The following ZFAT variants were observed in gnomAD, a reference collection of about 807,000 sequenced individuals.
The protein encoded by ZFAT is zinc finger and AT-hook domain containing, also known as zinc finger protein ZFAT.
In ZFAT, 64 loss-of-function variants were observed where a neutral mutation model predicts 117.7. The ratio of observed to expected loss-of-function variants is 0.54; its 90% confidence interval spans 0.44 to 0.67. ZFAT has a LOEUF of 0.67. Ranked by LOEUF, ZFAT falls within the 30% of genes least tolerant of loss-of-function variation. The pLI, the probability that ZFAT is intolerant of heterozygous loss-of-function variation, is 0.00. For synonymous variants in ZFAT, 679 were observed against 615.0 expected, an observed-to-expected ratio of 1.10 and a Z score of -1.54; for missense variants, 1,433 against 1,584.5, an observed-to-expected ratio of 0.90 and a Z score of 1.62.
At chr8:134,736,192 A>G in the ZFAT span, among the ~76,000 whole-genome samples, 2 of 150,854 alleles carry the variant, frequency 1.3e-5, no homozygotes, top group Admixed American at 1.3e-4. Flanking sequence ...GTACATATGT[A>G]GGGAATGAAG....
intron 2 of ZFAT, among the ~76,000 whole-genome samples, chr8:134,638,591 T>C (rs1268761847): frequency 6.9e-6 from 1 of 144,550 alleles, no homozygotes; most frequent in Non-Finnish European, 1.5e-5. Context: ...TAACCAGGCG[T>C]GGTGGCGGGC....
the ZFAT span, among the ~76,000 whole-genome samples, chr8:134,760,943 A>C: frequency 6.6e-6 from 1 of 152,342 alleles, no homozygotes; most frequent in South Asian, 2.1e-4. Context: ...CTGGGAATTG[A>C]GCTTGGTCTT....
At chr8:134,662,812 G>A (rs78445952) in intron 1 of ZFAT, among the ~76,000 whole-genome samples, 1 of 152,246 alleles carries the variant, frequency 6.6e-6, no homozygotes, top group Non-Finnish European at 1.5e-5. Flanking sequence ...AAAGGCCAGA[G>A]GGGAGGCAGC....
chr8:134,599,507 C>A, intron 7 of ZFAT: 1 of 292,176 alleles, frequency 3.4e-6, no homozygotes, highest in Non-Finnish European at 6.6e-6. Flanking sequence ...TGCCCAAGGC[C>A]ACAGGGCCTG....
chr8:134,635,552 G>A (rs985105277), intron 3 of ZFAT, among the ~76,000 whole-genome samples: 18 of 152,146 alleles, frequency 1.2e-4, no homozygotes, highest in African/African-American at 4.3e-4. Context: ...AAAATGCAAC[G>A]TCGTTACCTA....
chr8:134,532,997 AG>A, intron 11 of ZFAT, 25 bp from the exon 12 acceptor site: 1 of 1,582,074 alleles, frequency 6.3e-7, no homozygotes, highest in Non-Finnish European at 8.6e-7. Flanking sequence ...AGGAGGGGTT[AG>A]GAAAGGTGAG....
chr8:134,550,310 GAAA>G (rs10680896), intron 11 of ZFAT, among the ~76,000 whole-genome samples: 59 of 72,528 alleles, frequency 8.1e-4, no homozygotes, highest in African/African-American at 2.9e-3. Flanking sequence ...GGTCACAACG[GAAA>G]AAAAAAAAAA....
At chr8:134,798,551 T>C in the ZFAT span, among the ~76,000 whole-genome samples, 10,584 of 152,158 alleles carry the variant, frequency 0.07, 484 homozygotes, top group African/African-American at 0.13. Context: ...AATGTTTCAC[T>C]GCATTAATTC....
At chr8:134,532,697 T>A in intron 12 of ZFAT, 137 bp downstream of exon 12, 1 of 1,198,526 alleles carries the variant, frequency 8.3e-7, no homozygotes. Context: ...TGACAACAAT[T>A]AGGACGATGA....
chr8:134,818,877 A>G, the ZFAT span, among the ~76,000 whole-genome samples: 5 of 152,210 alleles, frequency 3.3e-5, no homozygotes, highest in African/African-American at 1.2e-4. Flanking sequence ...CATGCATGCC[A>G]ATGTAAAGTA....
chr8:134,664,818 T>G (rs1832127482), intron 1 of ZFAT, among the ~76,000 whole-genome samples: 1 of 152,254 alleles, frequency 6.6e-6, no homozygotes, highest in South Asian at 2.1e-4. Flanking sequence ...ATGCTATAAT[T>G]TGGATGCATT....
chr8:134,513,197 CTTTTT>C (rs763874079), intron 13 of ZFAT, among the ~76,000 whole-genome samples: 2 of 132,998 alleles, frequency 1.5e-5, no homozygotes, highest in Non-Finnish European at 1.6e-5. Flanking sequence ...GCTATTTGTG[CTTTTT>C]TTTTTTTTTT....
At chr8:134,694,789 G>T (rs1028995496) in intron 1 of ZFAT, among the ~76,000 whole-genome samples, 8 of 152,138 alleles carry the variant, frequency 5.3e-5, no homozygotes, top group Admixed American at 4.6e-4. Flanking sequence ...AGAATAAAAG[G>T]TGTCCATGTA....
chr8:134,730,812 T>G, the ZFAT span, among the ~76,000 whole-genome samples: 1 of 152,210 alleles, frequency 6.6e-6, no homozygotes, highest in Admixed American at 6.5e-5. Context: ...AATTCATGTC[T>G]TTTGAGCAAC....
chr8:134,623,416 C>A (rs191747091), intron 3 of ZFAT, among the ~76,000 whole-genome samples: 14 of 152,340 alleles, frequency 9.2e-5, no homozygotes, highest in African/African-American at 3.4e-4. Context: ...CTAGACTCCA[C>A]GTGGGGCGGC....
chr8:134,552,432 T>G (rs984079910), intron 11 of ZFAT, among the ~76,000 whole-genome samples: 5 of 152,242 alleles, frequency 3.3e-5, no homozygotes, highest in African/African-American at 1.2e-4. Flanking sequence ...AAATCGGTGA[T>G]TGAGATCTCC....
the ZFAT span, among the ~76,000 whole-genome samples, chr8:134,827,155 G>C: frequency 6.6e-6 from 1 of 152,080 alleles, no homozygotes; most frequent in African/African-American, 2.4e-5. Flanking sequence ...GGGCTCAAGC[G>C]ATCCTCCCAC....
intron 1 of ZFAT, among the ~76,000 whole-genome samples, chr8:134,693,743 G>T (rs1447206052): frequency 3.3e-5 from 5 of 152,166 alleles, no homozygotes; most frequent in Non-Finnish European, 7.3e-5. Flanking sequence ...AATGGGTGCT[G>T]AAACTACTGA....
the ZFAT span, among the ~76,000 whole-genome samples, chr8:134,813,869 AT>A: frequency 6.6e-6 from 1 of 150,874 alleles, no homozygotes; most frequent in East Asian, 1.9e-4. Flanking sequence ...AGATTAAAAA[AT>A]ATATATATTA....
Sources: allele counts gnomAD v4.1 joint callset (sites outside exome capture counted in the v4.1 genomes callset), GRCh38; gene constraint gnomAD v4.1.1; transcripts MANE v1.5; gene names NCBI Gene and HGNC (gene_info 2026-07-23, HGNC 2026-07-21).